ATRNL1: variants seen among roughly 807,000 people sequenced by gnomAD.
ATRNL1 encodes attractin like 1.
In ATRNL1, 95 loss-of-function variants were observed where a neutral mutation model predicts 182.7. The observed-to-expected ratio is 0.52, with a 90% CI of 0.44 to 0.62. The LOEUF (loss-of-function observed/expected upper bound fraction) is 0.62. ATRNL1 is among the 20% of genes least tolerant of loss of function. The pLI, the probability that ATRNL1 is intolerant of heterozygous loss-of-function variation, is 0.00. For missense variants in ATRNL1, 1,471 were observed against 1,679.5 expected, an observed-to-expected ratio of 0.88 and a Z score of 2.17; for synonymous variants, 576 against 568.3, an observed-to-expected ratio of 1.01 and a Z score of -0.19.
At chr10:115,903,596 C>A (rs1565474038) in intron 28 of ATRNL1, among the ~76,000 whole-genome samples, 1 of 152,186 alleles carries the variant, frequency 6.6e-6, no homozygotes, top group African/African-American at 2.4e-5. Context: ...AGCCAGAGTT[C>A]TTTGTTCAGC....
chr10:115,349,188 A>T (rs1193738747), intron 19 of ATRNL1, among the ~76,000 whole-genome samples: 2 of 152,214 alleles, frequency 1.3e-5, no homozygotes, highest in South Asian at 2.1e-4. Flanking sequence ...TTTAGCTCCC[A>T]CATATGAATG....
chr10:115,640,530 A>G (rs782331598), intron 26 of ATRNL1, among the ~76,000 whole-genome samples: 13 of 152,178 alleles, frequency 8.5e-5, no homozygotes, highest in Non-Finnish European at 1.8e-4. Context: ...ATGATGAGTG[A>G]TGATGAAGTT....
intron 26 of ATRNL1, among the ~76,000 whole-genome samples, chr10:115,581,640 G>A (rs1555007488): frequency 6.6e-6 from 1 of 152,052 alleles, no homozygotes; most frequent in South Asian, 2.1e-4. Flanking sequence ...AGCTAAAGTA[G>A]TGGATAATAA....
chr10:115,722,795 T>A (rs1204162315), intron 26 of ATRNL1, among the ~76,000 whole-genome samples: 1 of 152,102 alleles, frequency 6.6e-6, no homozygotes, highest in African/African-American at 2.4e-5. Context: ...ATAAGCTAGA[T>A]GATGAGGAAC....
intron 27 of ATRNL1, among the ~76,000 whole-genome samples, chr10:115,828,827 T>G (rs1407684592): frequency 6.6e-6 from 1 of 152,172 alleles, no homozygotes; most frequent in Non-Finnish European, 1.5e-5. Context: ...TATCAGCCTG[T>G]GCAGGACAAA....
At chr10:115,459,372 A>G (rs600259) in intron 21 of ATRNL1, among the ~76,000 whole-genome samples, 55,763 of 152,022 alleles carry the variant, frequency 0.37, 11,488 homozygotes, top group African/African-American at 0.56. Flanking sequence ...GAGAAATATC[A>G]CTGAATTCTT....
At chr10:115,553,041 T>C (rs1174875896) in intron 26 of ATRNL1, among the ~76,000 whole-genome samples, 1 of 151,382 alleles carries the variant, frequency 6.6e-6, no homozygotes, top group African/African-American at 2.4e-5. Context: ...TCTATTGAGC[T>C]ATTTTTATGC....
intron 21 of ATRNL1, among the ~76,000 whole-genome samples, chr10:115,430,784 A>C (rs1156744763): frequency 6.6e-6 from 1 of 152,058 alleles, no homozygotes; most frequent in Admixed American, 6.6e-5. Flanking sequence ...TATGGAGGCA[A>C]TTTTGTTTGT....
intron 21 of ATRNL1, among the ~76,000 whole-genome samples, chr10:115,461,245 A>C (rs897979058): frequency 6.6e-6 from 1 of 152,110 alleles, no homozygotes; most frequent in Non-Finnish European, 1.5e-5. Flanking sequence ...GTTATTAGCA[A>C]TACATCACCT....
chr10:115,848,227 T>A (rs2134356907), intron 28 of ATRNL1, among the ~76,000 whole-genome samples: 1 of 152,306 alleles, frequency 6.6e-6, no homozygotes, highest in Admixed American at 6.5e-5. Flanking sequence ...TTTATTTGTG[T>A]ATTATACACA....
chr10:115,175,759 A>G (rs1847478330), intron 8 of ATRNL1, among the ~76,000 whole-genome samples: 1 of 152,132 alleles, frequency 6.6e-6, no homozygotes, highest in Non-Finnish European at 1.5e-5. Flanking sequence ...GGCATTTTGA[A>G]TTTGCTGCTT....
At chr10:115,124,124 G>T (rs1353940610) in intron 3 of ATRNL1, among the ~76,000 whole-genome samples, 3 of 152,050 alleles carry the variant, frequency 2.0e-5, no homozygotes, top group Non-Finnish European at 4.4e-5. Context: ...TGGAAATTTT[G>T]TCTTCCATGA....
At chr10:115,209,171 CA>C (rs1730362900) in intron 8 of ATRNL1, among the ~76,000 whole-genome samples, 1 of 151,606 alleles carries the variant, frequency 6.6e-6, no homozygotes, top group African/African-American at 2.4e-5. Flanking sequence ...TGTTGGATAA[CA>C]AGCAGAAGTA....
chr10:115,889,654 G>A (rs1262277678), intron 28 of ATRNL1, among the ~76,000 whole-genome samples: 2 of 152,166 alleles, frequency 1.3e-5, no homozygotes, highest in Non-Finnish European at 2.9e-5. Flanking sequence ...TCTTATCACA[G>A]AACTCACAAT....
intron 27 of ATRNL1, among the ~76,000 whole-genome samples, chr10:115,749,544 T>A (rs1285673045): frequency 6.6e-6 from 1 of 151,904 alleles, no homozygotes; most frequent in Non-Finnish European, 1.5e-5. Flanking sequence ...GTTTTATTTT[T>A]TAATACCACC....
At chr10:115,807,089 T>C (rs1949936701) in intron 27 of ATRNL1, among the ~76,000 whole-genome samples, 1 of 151,902 alleles carries the variant, frequency 6.6e-6, no homozygotes, top group Non-Finnish European at 1.5e-5. Context: ...TGAATGCATG[T>C]CGTTGTACTC....
chr10:115,461,919 G>C (rs782045604), intron 21 of ATRNL1, 22 bp from the exon 22 acceptor site: 9 of 1,561,680 alleles, frequency 5.8e-6, no homozygotes, highest in Non-Finnish European at 7.9e-6. Context: ...TATCAGGATT[G>C]TACTTTTTTT....
chr10:115,511,367 G>A (rs1554982645), intron 24 of ATRNL1, among the ~76,000 whole-genome samples: 1 of 151,826 alleles, frequency 6.6e-6, no homozygotes, highest in East Asian at 1.9e-4. Flanking sequence ...CAGCCCGATT[G>A]TCTTTAAGAT....
At chr10:115,783,505 C>CA (rs1437459951) in intron 27 of ATRNL1, among the ~76,000 whole-genome samples, 2 of 152,118 alleles carry the variant, frequency 1.3e-5, no homozygotes, top group African/African-American at 4.8e-5. Context: ...TGCTTAAGAG[C>CA]TTACTGTGAC....
Sources: gnomAD v4.1 joint callset for allele counts (sites outside exome capture counted in the v4.1 genomes callset) on GRCh38, gnomAD v4.1.1 for gene constraint, MANE v1.5 for transcripts, NCBI Gene and HGNC (gene_info 2026-07-23, HGNC 2026-07-21) for gene names.